TOPAZ1: variants seen among roughly 807,000 people sequenced by gnomAD.
The protein encoded by TOPAZ1 is testis and ovary specific TOPAZ 1.
TOPAZ1 carries 66 observed loss-of-function variants against 172.2 expected under a neutral mutation model. The ratio of observed to expected loss-of-function variants is 0.38; its 90% CI spans 0.31 to 0.47. The LOEUF is 0.47. TOPAZ1 is among the 20% of genes least tolerant of loss of function. The pLI is 0.99. For missense variants in TOPAZ1, 1,822 were observed against 1,972.4 expected (o/e 0.92, Z 1.44); for synonymous variants, 681 against 683.9 (o/e 1.00, Z 0.07).
At chr3:44,242,467 C>A in intron 1 of TOPAZ1, 68 bp downstream of exon 1, 1 of 1,461,600 alleles carries the variant, frequency 6.8e-7, no homozygotes, top group Non-Finnish European at 9.3e-7. Context: ...TTTGTTTTAC[C>A]ACTAGTCTTT....
At chr3:44,335,648 A>G (rs183836353), downstream of TOPAZ1, among the ~76,000 whole-genome samples, 4 of 152,236 alleles carry the variant, frequency 2.6e-5, no homozygotes, top group East Asian at 7.7e-4. Flanking sequence ...GCTATAGGGC[A>G]CTTAGAGGGC....
rs999527138 is a variant in TOPAZ1, at chr3:44,301,468, C to T, written c.3798-2547C>T. Among the ~76,000 whole-genome samples the T allele has an allele frequency of 2.0e-5, 3 of 152,116 alleles. No homozygotes were observed. The East Asian group carries it at 5.8e-4, about 29-fold the overall frequency. ...TATTGCCAAATTTTCCTCCAGAATA[C>T]TTGTACCCATTTGTGTTCCCATCAG... On this transcript the variant is annotated intron_variant, in intron 12 of 19. Transcript: ENST00000309765.
downstream of TOPAZ1, among the ~76,000 whole-genome samples, chr3:44,335,906 C>G (rs1700719297): frequency 6.6e-6 from 1 of 152,096 alleles, no homozygotes; most frequent in South Asian, 2.1e-4. Context: ...CCAGCCTTAC[C>G]CAAAAATGAC....
At chr3:44,335,004 AGAGTTGT>A (rs1274555670), downstream of TOPAZ1, among the ~76,000 whole-genome samples, 2 of 152,082 alleles carry the variant, frequency 1.3e-5, no homozygotes, top group Non-Finnish European at 2.9e-5. Flanking sequence ...CCAAGGGGTG[AGAGTTGT>A]GATGATTCCC....
rs575166133 is a variant in TOPAZ1, at chr3:44,281,285, G to A, written c.3373-683G>A. ...CTCACCATGCCATCACTTCTCCACT[G>A]AAGTGGCTGGTCCAAGGCCAGGTCT... On this transcript the variant is annotated intron_variant, in intron 8 of 19. Coordinates refer to ENST00000309765, the MANE Select transcript of TOPAZ1 (RefSeq NM_001145030.2). Among the ~76,000 whole-genome samples the A allele has an allele frequency of 2.6e-5, 4 of 152,332 alleles. No homozygotes were observed. In the East Asian group the frequency reaches 7.7e-4, roughly 29 times the overall value.
chr3:44,242,830 A>G, intron 1 of TOPAZ1, 23 bp from the exon 2 acceptor site: 6 of 1,453,614 alleles, frequency 4.1e-6, no homozygotes, highest in Non-Finnish European at 5.4e-6. Context: ...ATCTTTTCTG[A>G]TATATTTTGT....
At chr3:44,253,494 G>A (rs1699659652) in intron 2 of TOPAZ1, among the ~76,000 whole-genome samples, 1 of 152,080 alleles carries the variant, frequency 6.6e-6, no homozygotes, top group South Asian at 2.1e-4. Flanking sequence ...AGGTGTTAAG[G>A]TTGATACCTG....
chr3:44,277,601 G>T (rs1200548397), intron 8 of TOPAZ1, among the ~76,000 whole-genome samples: 2 of 152,074 alleles, frequency 1.3e-5, no homozygotes, highest in Non-Finnish European at 2.9e-5. Context: ...TGCCTTATAT[G>T]GCTGATAGAG....
intron 7 of TOPAZ1, among the ~76,000 whole-genome samples, chr3:44,269,629 C>CT (rs371524321): frequency 8.7e-5 from 13 of 149,466 alleles, no homozygotes; most frequent in African/African-American, 2.5e-4. Context: ...TTTCCCTATC[C>CT]TTTTTTTTGA....
At chr3:44,284,051 T>G (rs1159229197) in intron 9 of TOPAZ1, among the ~76,000 whole-genome samples, 1 of 152,206 alleles carries the variant, frequency 6.6e-6, no homozygotes, top group African/African-American at 2.4e-5. Flanking sequence ...TCATGATTCT[T>G]TAGCCTCCTT....
At chr3:44,321,781 G>A (rs144541005) in intron 17 of TOPAZ1, among the ~76,000 whole-genome samples, 1 of 152,108 alleles carries the variant, frequency 6.6e-6, no homozygotes, top group South Asian at 2.1e-4. Flanking sequence ...TAATTCCACT[G>A]TGCTCCTGTA....
chr3:44,273,268 A>G (rs1699917348), intron 8 of TOPAZ1, among the ~76,000 whole-genome samples: 1 of 152,212 alleles, frequency 6.6e-6, no homozygotes, highest in Non-Finnish European at 1.5e-5. Context: ...ACAGAAGTCA[A>G]AACAAAGTTA....
At chr3:44,289,447 C>A (rs1405550650) in intron 11 of TOPAZ1, among the ~76,000 whole-genome samples, 1 of 152,092 alleles carries the variant, frequency 6.6e-6, no homozygotes, top group African/African-American at 2.4e-5. Context: ...AGAGCCTAAT[C>A]TTTAGAACAG....
intron 2 of TOPAZ1, among the ~76,000 whole-genome samples, chr3:44,253,069 T>G (rs963906719): frequency 6.6e-6 from 1 of 152,186 alleles, no homozygotes; most frequent in African/African-American, 2.4e-5. Context: ...GGTGTTCAAA[T>G]GGCAAGAAAT....
intron 8 of TOPAZ1, among the ~76,000 whole-genome samples, 162 bp downstream of exon 8, chr3:44,270,972 T>G (rs971453847): frequency 3.9e-5 from 6 of 152,214 alleles, no homozygotes; most frequent in African/African-American, 1.4e-4. Flanking sequence ...TAGTCTGTCT[T>G]CTTTTGCTCG....
At position 44,287,499 on chromosome 3, in the gene TOPAZ1, G is replaced by T; in HGVS notation, c.3547G>T (p.Val1183Leu). 1 of 1,526,538 alleles carries T rather than the reference G, an allele frequency of 6.6e-7. No homozygotes were observed. Among genetic ancestry groups the T allele is most frequent in the Non-Finnish European group, 8.8e-7 (1 of 1,136,012 alleles). 94.6% of individuals were successfully genotyped at this position (1,526,538 alleles called of 1,614,324 possible). Residue 1183 changes from valine to leucine, a missense_variant, in exon 10 of 20, where the codon GTA (valine) becomes TTA (leucine). Around this residue, in one of 2 missense-constraint regions of TOPAZ1, gnomAD observed 1,489 missense variants for 1,490.8 expected, o/e 1.00. Coordinates refer to ENST00000309765, the MANE Select transcript of TOPAZ1 (RefSeq NM_001145030.2). ...ACTCAAACATTGTTTGTTGAAAGAA[G>T]TATTTCAGATAGTGAACCTCAGCAT... ...SLLKHCLLKE[V>L]FQIVNLSIMV...
At chr3:44,254,792 C>CA (rs1218984665) in intron 2 of TOPAZ1, among the ~76,000 whole-genome samples, 176 bp from the exon 3 acceptor site, 4 of 152,102 alleles carry the variant, frequency 2.6e-5, no homozygotes, top group South Asian at 2.1e-4. Context: ...AAGAACCAAA[C>CA]AAAAAATCCA....
rs573616223 is a variant in TOPAZ1 at position 44,243,486 on chromosome 3, G to A, written c.980G>A (p.Gly327Glu). The A allele has an allele frequency of 1.9e-6, 3 of 1,551,538 alleles. No individual in the cohort carries two copies. The highest frequency in any genetic ancestry group is 2.0e-5 in the Admixed American group (1 of 50,974). ...TATTCAATAGAGGAGAGCAGTGTTG[G>A]GCGAAAACCCAGGAAAAGGATGAAG... Reference protein sequence around the residue: ...NKYSIEESSVGRKPRKRMKLS... With the variant: ...NKYSIEESSVERKPRKRMKLS... The change falls in exon 2 of 20, where the codon GGG (glycine) becomes GAG (glutamate). Residue 327 changes from glycine (G) to glutamate (E), a missense_variant. Around this residue, in one of 2 missense-constraint regions of TOPAZ1, gnomAD observed 1,489 missense variants for 1,490.8 expected, o/e 1.00. Coordinates refer to ENST00000309765, the MANE Select transcript of TOPAZ1 (RefSeq NM_001145030.2).
downstream of TOPAZ1, among the ~76,000 whole-genome samples, chr3:44,336,676 T>A (rs1700731209): frequency 6.6e-6 from 1 of 152,202 alleles, no homozygotes; most frequent in South Asian, 2.1e-4. Context: ...AGACTGTGGC[T>A]GTCATAGCCT....
Sources: gnomAD v4.1 joint callset for allele counts (sites outside exome capture counted in the v4.1 genomes callset) on GRCh38, gnomAD v4.1.1 for gene constraint, gnomAD v4.1.1 regional missense constraint, MANE v1.5 for transcripts, NCBI Gene and HGNC (gene_info 2026-07-23, HGNC 2026-07-21) for gene names.